CDK14: variants seen among roughly 807,000 people sequenced by gnomAD.
CDK14 encodes cyclin dependent kinase 14, also known as cyclin-dependent kinase 14.
Under a neutral mutation model 60.7 loss-of-function variants are expected in CDK14, and 34 were observed. That is an observed-to-expected ratio of 0.56 (90% CI 0.43 to 0.75). The LOEUF (loss-of-function observed/expected upper bound fraction) is 0.75, where lower values mean the gene tolerates loss of function less well. Ranked by LOEUF, CDK14 falls within the 30% of genes least tolerant of loss-of-function variation. The probability of loss-of-function intolerance (pLI) is 0.00; values close to 1 mark genes in which losing one functional copy is unlikely to be tolerated. For missense variants in CDK14, 482 were observed against 564.1 expected, an observed-to-expected ratio of 0.85 and a Z score of 1.47; for synonymous variants, 197 against 203.7, an observed-to-expected ratio of 0.97 and a Z score of 0.28.
chr7:90,650,263 G>A (rs527496883), intron 2 of CDK14, among the ~76,000 whole-genome samples: 1 of 152,316 alleles, frequency 6.6e-6, no homozygotes, highest in East Asian at 1.9e-4. Context: ...CTTCTTTTGA[G>A]TAGTGTCTGT....
chr7:90,864,696 A>G (rs73709913), intron 6 of CDK14, among the ~76,000 whole-genome samples: 1 of 152,210 alleles, frequency 6.6e-6, no homozygotes, highest in Non-Finnish European at 1.5e-5. Context: ...TAAAATGTAC[A>G]TATTGGATCA....
At chr7:91,004,591 T>G (rs902501266) in intron 10 of CDK14, among the ~76,000 whole-genome samples, 24 of 152,228 alleles carry the variant, frequency 1.6e-4, no homozygotes, top group African/African-American at 5.5e-4. Flanking sequence ...GAATATCAAT[T>G]GATGTCATCT....
In CDK14 at chr7:90,880,084, G is replaced by A. The variant is rs1562810438; in HGVS notation, c.639+16815G>A. 2.0e-5 allele frequency among the ~76,000 whole-genome samples: 3 copies of A among 152,380 alleles called. No individual in the cohort carries two copies. In the East Asian group the frequency reaches 5.8e-4, roughly 29 times the overall value. ...CTTAAGCCTATCAGACTCCCATGGG[G>A]AGATGCGATCAGCATTGGCTGCAGC... is the stretch of plus-strand genomic sequence containing the variant. On this transcript the variant is annotated intron_variant, in intron 6 of 14. Coordinates refer to ENST00000380050, the MANE Select transcript of CDK14 (RefSeq NM_001287135.2).
At chr7:91,154,415 T>C (rs1035794425) in intron 14 of CDK14, among the ~76,000 whole-genome samples, 3 of 152,122 alleles carry the variant, frequency 2.0e-5, no homozygotes, top group Non-Finnish European at 4.4e-5. Flanking sequence ...TTCCCTACAT[T>C]GCTAATTATA....
chr7:90,861,050 A>G (rs924258005), intron 5 of CDK14, among the ~76,000 whole-genome samples: 6 of 152,080 alleles, frequency 3.9e-5, no homozygotes, highest in Admixed American at 6.6e-5. Context: ...TCAAAGGAAG[A>G]TTGGTCAAAC....
At chr7:90,682,492 A>G (rs1293322682) in intron 2 of CDK14, among the ~76,000 whole-genome samples, 2 of 152,200 alleles carry the variant, frequency 1.3e-5, no homozygotes, top group Non-Finnish European at 2.9e-5. Context: ...TAAGTTGCAT[A>G]TAAGATAGTA....
intron 4 of CDK14, among the ~76,000 whole-genome samples, chr7:90,783,329 A>G (rs557425022): frequency 6.6e-6 from 1 of 152,284 alleles, no homozygotes; most frequent in East Asian, 1.9e-4. Flanking sequence ...TTCAAAAAGA[A>G]ATTAATGTGT....
At chr7:91,157,825 A>T (rs984220947) in intron 14 of CDK14, among the ~76,000 whole-genome samples, 10 of 152,160 alleles carry the variant, frequency 6.6e-5, no homozygotes, top group African/African-American at 2.4e-4. Context: ...TGTAATTCCT[A>T]GCATATAATG....
At chr7:91,112,429 T>C in intron 12 of CDK14, 113 bp from the exon 13 acceptor site, 1 of 1,158,476 alleles carries the variant, frequency 8.6e-7, no homozygotes. Context: ...AGCAGGTAAT[T>C]TGTTTTTCTA....
intron 2 of CDK14, among the ~76,000 whole-genome samples, chr7:90,642,163 G>A (rs976771446): frequency 6.6e-6 from 1 of 152,188 alleles, no homozygotes; most frequent in South Asian, 2.1e-4. Flanking sequence ...GAATTGTATA[G>A]TATGTAATTA....
intron 2 of CDK14, among the ~76,000 whole-genome samples, chr7:90,612,426 C>T (rs188692572): frequency 6.6e-6 from 1 of 152,260 alleles, no homozygotes; most frequent in African/African-American, 2.4e-5. Context: ...CATCTCTCAG[C>T]ATCTTACAGG....
intron 5 of CDK14, among the ~76,000 whole-genome samples, chr7:90,823,466 A>T (rs1789618624): frequency 6.6e-6 from 1 of 152,182 alleles, no homozygotes; most frequent in African/African-American, 2.4e-5. Context: ...TTCAATTTGG[A>T]TGTACTTTCT....
intron 2 of CDK14, among the ~76,000 whole-genome samples, chr7:90,702,816 T>A (rs2116619284): frequency 6.6e-6 from 1 of 152,264 alleles, no homozygotes; most frequent in East Asian, 1.9e-4. Flanking sequence ...TTTTCTAGAT[T>A]TAAAACTGTC....
At chr7:90,604,056 C>T (rs887678694) in intron 1 of CDK14, among the ~76,000 whole-genome samples, 162 bp from the exon 2 acceptor site, 3 of 152,176 alleles carry the variant, frequency 2.0e-5, no homozygotes, top group African/African-American at 7.2e-5. Context: ...CTTTCATTTG[C>T]AGTTTTCATA....
intron 9 of CDK14, among the ~76,000 whole-genome samples, chr7:90,982,794 G>T (rs1795265940): frequency 6.6e-6 from 1 of 152,058 alleles, no homozygotes; most frequent in African/African-American, 2.4e-5. Flanking sequence ...GGGGGAGTGG[G>T]TAGGTTATGG....
chr7:91,112,858 G>A (rs1294643837), intron 13 of CDK14, among the ~76,000 whole-genome samples, 177 bp downstream of exon 13: 2 of 151,080 alleles, frequency 1.3e-5, no homozygotes, highest in Non-Finnish European at 2.9e-5. Context: ...TGTGTGGAGA[G>A]AGAGAGAGAG....
chr7:91,150,131 G>A (rs953808098), intron 14 of CDK14, among the ~76,000 whole-genome samples: 1 of 152,128 alleles, frequency 6.6e-6, no homozygotes, highest in South Asian at 2.1e-4. Flanking sequence ...ATGCTGACTG[G>A]CCTGGCCAAT....
chr7:91,153,626 A>C (rs1584137133), intron 14 of CDK14, among the ~76,000 whole-genome samples: 1 of 152,214 alleles, frequency 6.6e-6, no homozygotes, highest in East Asian at 1.9e-4. Flanking sequence ...AAACTAATGC[A>C]GGAACGGAAA....
At chr7:90,969,834 A>G (rs1794867151) in intron 9 of CDK14, among the ~76,000 whole-genome samples, 1 of 151,488 alleles carries the variant, frequency 6.6e-6, no homozygotes, top group Non-Finnish European at 1.5e-5. Context: ...TTATATTTTT[A>G]TACTAATTGT....
Sources: allele counts gnomAD v4.1 joint callset (sites outside exome capture counted in the v4.1 genomes callset), GRCh38; gene constraint gnomAD v4.1.1; transcripts MANE v1.5; gene names NCBI Gene and HGNC (gene_info 2026-07-23, HGNC 2026-07-21).